Variants in ANK3 observed in about 807,000 individuals in gnomAD.
ANK3 encodes ankyrin 3, also known as ankyrin-3.
A neutral mutation model predicts 370.9 loss-of-function variants in ANK3; 57 were observed. That is an observed-to-expected ratio of 0.15 (90% CI 0.12 to 0.19). The LOEUF is 0.19. Ranked by LOEUF, ANK3 falls within the 10% of genes least tolerant of loss-of-function variation. ANK3 has a pLI of 1.00. For missense variants in ANK3, 4,439 were observed against 5,302.1 expected (o/e 0.84, Z 5.06); for synonymous variants, 1,929 against 1,946.3 (o/e 0.99, Z 0.23).
chr10:60,262,278 A>G (rs534538712), intron 6 of ANK3, among the ~76,000 whole-genome samples: 1 of 152,236 alleles, frequency 6.6e-6, no homozygotes, highest in Non-Finnish European at 1.5e-5. Context: ...TGATAGCTTG[A>G]TTAGTGCCGC....
At chr10:60,033,514 CAAA>C (rs537623584) in intron 43 of ANK3, among the ~76,000 whole-genome samples, 27 of 50,622 alleles carry the variant, frequency 5.3e-4, no homozygotes, top group Middle Eastern at 0.012. Context: ...GACTCAGTCT[CAAA>C]AAAAAAAAAA....
chr10:60,083,715 G>T, intron 32 of ANK3, 98 bp from the exon 33 acceptor site: 1 of 1,034,878 alleles, frequency 9.7e-7, no homozygotes, highest in Non-Finnish European at 1.4e-6. Flanking sequence ...ACGTTACTAT[G>T]TTACACGTGT....
At chr10:60,166,228 T>G (rs1316728462) in intron 23 of ANK3, among the ~76,000 whole-genome samples, 1 of 152,174 alleles carries the variant, frequency 6.6e-6, no homozygotes, top group East Asian at 1.9e-4. Flanking sequence ...AAACTTCGCT[T>G]GTTTTAAAAA....
chr10:60,617,596 T>C (rs1289989935), intron 1 of ANK3, among the ~76,000 whole-genome samples: 1 of 152,204 alleles, frequency 6.6e-6, no homozygotes, highest in Admixed American at 6.6e-5. Context: ...ACAGCATAAG[T>C]GCTTGATTAA....
At chr10:60,151,891 C>T (rs1434755814) in intron 23 of ANK3, among the ~76,000 whole-genome samples, 2 of 152,110 alleles carry the variant, frequency 1.3e-5, no homozygotes, top group Non-Finnish European at 2.9e-5. Context: ...ACTTATTTTC[C>T]ACATCTATGA....
intron 2 of ANK3, among the ~76,000 whole-genome samples, chr10:60,573,916 G>T (rs930345477): frequency 2.6e-5 from 4 of 152,120 alleles, no homozygotes; most frequent in African/African-American, 9.7e-5. Context: ...TCCACACACA[G>T]TAACATTGTT....
intron 2 of ANK3, among the ~76,000 whole-genome samples, chr10:60,610,411 G>A (rs563442469): frequency 6.6e-6 from 1 of 151,972 alleles, no homozygotes; most frequent in Non-Finnish European, 1.5e-5. Flanking sequence ...TACTCAGGAG[G>A]CTGAGACAGG....
intron 1 of ANK3, among the ~76,000 whole-genome samples, chr10:60,691,271 C>T (rs2079348515): frequency 6.6e-6 from 1 of 152,008 alleles, no homozygotes; most frequent in South Asian, 2.1e-4. Context: ...ATCCAGGTAA[C>T]AAACATGTAC....
chr10:60,523,012 T>C (rs1187870146), intron 2 of ANK3, among the ~76,000 whole-genome samples: 1 of 152,036 alleles, frequency 6.6e-6, no homozygotes, highest in Admixed American at 6.6e-5. Flanking sequence ...ATGTTAAAGA[T>C]AATGAAAAGA....
At chr10:60,697,546 C>T (rs987292682) in intron 1 of ANK3, among the ~76,000 whole-genome samples, 2 of 147,514 alleles carry the variant, frequency 1.4e-5, no homozygotes, top group African/African-American at 2.5e-5. Flanking sequence ...GTACTGGTAC[C>T]AAAACAGAGA....
rs2131974407 is a variant in ANK3 at position 60,072,289 on chromosome 10, CTTATTG to C, written c.8586_8591del (p.Asn2862_Asn2863del). 1 of 1,614,116 alleles carries C rather than the reference CTTATTG, an allele frequency of 6.2e-7. No homozygotes were observed. Among genetic ancestry groups the C allele is most frequent in the East Asian group, 2.2e-5 (1 of 44,876 alleles). The stretch of plus-strand genomic sequence containing the variant: ...CATGCGAAAGTTTTTCTTTCTGAGA[CTTATTG>C]TTAGTGGCTCCCGAACTCTCCCATG... On this transcript the variant is annotated inframe_deletion, in exon 37 of 44. Coordinates refer to ENST00000280772, the MANE Select transcript of ANK3 (RefSeq NM_020987.5).
Position 60,073,649 on chromosome 10 carries a change from C to T in ANK3, c.7232G>A (p.Arg2411Lys). ...TTCTTGGGACACAGGAGTGTTTACT[C>T]TGGAAGACTCCAGATAAGAAGGCAA... The part of the protein sequence containing the change: ...ESLPSYLESS[R>K]VNTPVSQEED... The change falls in exon 37 of 44, where the codon AGA becomes AAA. Residue 2411 changes from arginine (R) to lysine (K), a missense_variant. By Grantham distance (26) the Arg-to-Lys change is conservative (BLOSUM62 2). Coordinates refer to ENST00000280772, the MANE Select transcript of ANK3 (RefSeq NM_020987.5). 1 of 1,613,964 alleles carries T rather than the reference C, an allele frequency of 6.2e-7. No individual in the cohort carries two copies. Among genetic ancestry groups the T allele is most frequent in the Non-Finnish European group, 8.5e-7 (1 of 1,179,988 alleles).
At chr10:60,711,779 T>A (rs1250829565) in intron 1 of ANK3, among the ~76,000 whole-genome samples, 1 of 151,968 alleles carries the variant, frequency 6.6e-6, no homozygotes, top group African/African-American at 2.4e-5. Flanking sequence ...ACATATTATA[T>A]CTAAATTGCA....
intron 2 of ANK3, chr10:60,572,735 A>T (rs1277171275): frequency 7.3e-7 from 1 of 1,366,256 alleles, no homozygotes; most frequent in African/African-American, 1.5e-5. Flanking sequence ...CCTCAGGAAG[A>T]AACTGGGTGT....
chr10:60,296,487 C>A (rs2042540573), intron 1 of ANK3, among the ~76,000 whole-genome samples: 1 of 152,126 alleles, frequency 6.6e-6, no homozygotes, highest in African/African-American at 2.4e-5. Context: ...GAGCATGTTC[C>A]TTTCAAACAT....
At chr10:60,420,128 C>T (rs1040701159) in intron 2 of ANK3, among the ~76,000 whole-genome samples, 8 of 152,148 alleles carry the variant, frequency 5.3e-5, no homozygotes, top group Admixed American at 2.0e-4. Flanking sequence ...CAGAGCAGCT[C>T]TGTTTATATA....
chr10:60,110,348 C>G (rs1172433241), intron 26 of ANK3, among the ~76,000 whole-genome samples: 1 of 152,086 alleles, frequency 6.6e-6, no homozygotes, highest in African/African-American at 2.4e-5. Flanking sequence ...ATTCCTAGAA[C>G]CAACTCTGCT....
chr10:60,366,879 T>C (rs1194691438), intron 1 of ANK3, among the ~76,000 whole-genome samples: 1 of 152,194 alleles, frequency 6.6e-6, no homozygotes, highest in Non-Finnish European at 1.5e-5. Flanking sequence ...TCAGTGTCCT[T>C]GGAGGTCCTT....
At chr10:60,106,126 T>C in intron 27 of ANK3, 67 bp from the exon 28 acceptor site, 2 of 1,404,374 alleles carry the variant, frequency 1.4e-6, no homozygotes, top group Non-Finnish European at 1.9e-6. Flanking sequence ...ACTTAAAAAA[T>C]GTTTCGTTAA....
Sources: gnomAD v4.1 joint callset for allele counts (sites outside exome capture counted in the v4.1 genomes callset) on GRCh38, gnomAD v4.1.1 for gene constraint, MANE v1.5 for transcripts, NCBI Gene and HGNC (gene_info 2026-07-23, HGNC 2026-07-21) for gene names.